MTAP: variants seen among roughly 807,000 people sequenced by gnomAD.
The protein encoded by MTAP is S-methyl-5'-thioadenosine phosphorylase.
Under a neutral mutation model 33.6 loss-of-function variants are expected in MTAP, and 33 were observed. The observed-to-expected ratio is 0.98, with a 90% CI of 0.74 to 1.31. The LOEUF is 1.31. Among genes scored for constraint, MTAP ranks in the 40% most tolerant of loss-of-function variants. The pLI, the probability that MTAP is intolerant of heterozygous loss-of-function variation, is 0.00. For missense variants in MTAP, 367 were observed against 360.0 expected, an observed-to-expected ratio of 1.02 and a Z score of -0.16; for synonymous variants, 148 against 125.7, an observed-to-expected ratio of 1.18 and a Z score of -1.19.
At chr9:21,823,936 G>C (rs1031502529) in intron 4 of MTAP, among the ~76,000 whole-genome samples, 2 of 152,134 alleles carry the variant, frequency 1.3e-5, no homozygotes, top group Non-Finnish European at 2.9e-5. Flanking sequence ...CGTAGTTCTC[G>C]TACTATGGTT....
At chr9:21,875,910 T>C (rs796205301) in intron 1 of MTAP, among the ~76,000 whole-genome samples, 53 of 152,220 alleles carry the variant, frequency 3.5e-4, no homozygotes, top group African/African-American at 1.1e-3. Flanking sequence ...GATTGCTGGG[T>C]CAAATGGTAG....
intron 1 of MTAP, among the ~76,000 whole-genome samples, chr9:21,907,057 G>A (rs1818488607): frequency 1.3e-5 from 2 of 152,182 alleles, no homozygotes; most frequent in African/African-American, 4.8e-5. Flanking sequence ...TTGGGTTAAG[G>A]GAGGTGAGTG....
Position 21,837,964 on chromosome 9 carries a change from T to C in MTAP, c.404T>C (p.Val135Ala). The change falls in exon 5 of 8, where the codon GTG becomes GCG. Residue 135 changes from valine (V) to alanine (A), a missense_variant. Transcript: ENST00000644715. ...YDGSHSCARG[V>A]CHIPMAEPFC... ...GGAAGTCATTCTTGTGCCAGAGGAG[T>C]GTGCCATATTCCAATGGCTGAGCCG... 6.2e-7 allele frequency: 1 copy of C among 1,614,070 alleles called. No individual in the cohort carries two copies. The highest frequency in any genetic ancestry group is 8.5e-7 in the Non-Finnish European group (1 of 1,179,998).
chr9:21,879,562 G>T (rs1157856080), intron 1 of MTAP, among the ~76,000 whole-genome samples: 1 of 152,068 alleles, frequency 6.6e-6, no homozygotes, highest in African/African-American at 2.4e-5. Context: ...TTCAAGGTTA[G>T]TATCAATATG....
intron 1 of MTAP, among the ~76,000 whole-genome samples, chr9:21,886,438 G>A (rs1045686198): frequency 2.6e-5 from 4 of 151,994 alleles, no homozygotes; most frequent in Admixed American, 6.6e-5. Context: ...TTTGCTGTGC[G>A]GAACCTTTTT....
chr9:21,822,448 G>C (rs1430960317), intron 4 of MTAP, among the ~76,000 whole-genome samples: 1 of 152,208 alleles, frequency 6.6e-6, no homozygotes, highest in Non-Finnish European at 1.5e-5. Context: ...TTTTGGGTGA[G>C]TTTCTTAATC....
intron 1 of MTAP, among the ~76,000 whole-genome samples, chr9:21,882,256 T>C (rs947160198): frequency 4.0e-5 from 6 of 151,886 alleles, no homozygotes; most frequent in African/African-American, 1.4e-4. Context: ...CTTTTTAAGG[T>C]TCGATAATAT....
chr9:21,883,928 C>T (rs760864132), intron 1 of MTAP, among the ~76,000 whole-genome samples: 2 of 151,978 alleles, frequency 1.3e-5, no homozygotes, highest in African/African-American at 2.4e-5. Context: ...TTGTGAAGGT[C>T]ATGTGGGAGC....
intron 5 of MTAP, among the ~76,000 whole-genome samples, chr9:21,840,103 A>G (rs1825206942): frequency 6.6e-6 from 1 of 151,990 alleles, no homozygotes; most frequent in Admixed American, 6.5e-5. Flanking sequence ...GCAGGCACCT[A>G]TAGTCCCAGC....
chr9:21,802,890 TGCCGCCGCGG>T, intron 1 of MTAP, 109 bp downstream of exon 1: 1 of 1,494,748 alleles, frequency 6.7e-7, no homozygotes, highest in Non-Finnish European at 8.9e-7. Flanking sequence ...GTGCGTCCCT[TGCCGCCGCGG>T]GGAGGGACTG....
At chr9:21,905,338 G>C (rs1450849827) in intron 1 of MTAP, among the ~76,000 whole-genome samples, 1 of 152,026 alleles carries the variant, frequency 6.6e-6, no homozygotes, top group African/African-American at 2.4e-5. Flanking sequence ...GGGTTTCGGG[G>C]GTTTTTACAG....
intron 1 of MTAP, 103 bp from the exon 2 acceptor site, chr9:21,815,330 G>A (rs1376119350): frequency 1.3e-5 from 9 of 700,396 alleles, no homozygotes; most frequent in African/African-American, 1.9e-5. Context: ...CTAGGGCTTG[G>A]CAGGAATGGA....
At chr9:21,884,918 C>G (rs529900904) in intron 1 of MTAP, among the ~76,000 whole-genome samples, 76 of 152,194 alleles carry the variant, frequency 5.0e-4, no homozygotes, top group African/African-American at 1.7e-3. Context: ...ATTAGTAAAA[C>G]TGTAGAGAAG....
At chr9:21,939,184 C>T (rs1048543685), downstream of MTAP, among the ~76,000 whole-genome samples, 1 of 152,176 alleles carries the variant, frequency 6.6e-6, no homozygotes, top group Non-Finnish European at 1.5e-5. Context: ...TCAGCTCCCG[C>T]CATAATTCTG....
intron 4 of MTAP, among the ~76,000 whole-genome samples, chr9:21,824,488 C>A (rs1183009504): frequency 2.0e-5 from 3 of 152,116 alleles, no homozygotes; most frequent in Non-Finnish European, 2.9e-5. Context: ...GGTACCCAGC[C>A]GTGTGAGGTG....
At chr9:21,911,150 A>C (rs908283730) in intron 1 of MTAP, among the ~76,000 whole-genome samples, 60 of 152,300 alleles carry the variant, frequency 3.9e-4, no homozygotes, top group Admixed American at 3.1e-3. Flanking sequence ...AGAGACCTAC[A>C]AAGAGACTTA....
chr9:21,823,162 C>T (rs902886111), intron 4 of MTAP, among the ~76,000 whole-genome samples: 2 of 152,136 alleles, frequency 1.3e-5, no homozygotes, highest in South Asian at 2.1e-4. Flanking sequence ...TGAATTTGAT[C>T]CTGTCACTAT....
intron 6 of MTAP, among the ~76,000 whole-genome samples, chr9:21,855,928 T>C (rs576441252): frequency 1.3e-5 from 2 of 152,346 alleles, no homozygotes; most frequent in African/African-American, 4.8e-5. Context: ...AATAATGATA[T>C]TAATTTCTTA....
chr9:21,811,862 G>A (rs1824358223), intron 1 of MTAP: 1 of 434,268 alleles, frequency 2.3e-6, no homozygotes, highest in Non-Finnish European at 4.6e-6. Context: ...GAAGGTGGCC[G>A]GACATCTTTA....
Sources: allele counts gnomAD v4.1 joint callset (sites outside exome capture counted in the v4.1 genomes callset), GRCh38; gene constraint gnomAD v4.1.1; transcripts MANE v1.5; gene names NCBI Gene and HGNC (gene_info 2026-07-23, HGNC 2026-07-21).